Variants in ARB2A observed in about 807,000 individuals in gnomAD.
ARB2A encodes the protein ARB2 cotranscriptional regulator A.
the ARB2A span, among the ~76,000 whole-genome samples, chr5:94,082,002 G>A: frequency 1.3e-5 from 2 of 152,240 alleles, no homozygotes; most frequent in East Asian, 3.9e-4. Flanking sequence ...CCTCTCTCCA[G>A]AGCCAGGCTA....
chr5:93,740,308 T>C, the ARB2A span: 177 of 350,800 alleles, frequency 5.0e-4, no homozygotes, highest in African/African-American at 3.5e-3. Flanking sequence ...GAACAAAATA[T>C]CGAAACCATC....
chr5:93,745,513 C>T, the ARB2A span, among the ~76,000 whole-genome samples: 2 of 152,190 alleles, frequency 1.3e-5, no homozygotes, highest in African/African-American at 4.8e-5. Context: ...CCTTTTATGT[C>T]ATTCTGTTGG....
the ARB2A span, among the ~76,000 whole-genome samples, chr5:93,860,107 A>G: frequency 6.6e-6 from 1 of 152,158 alleles, no homozygotes; most frequent in Non-Finnish European, 1.5e-5. Flanking sequence ...AGCCTGACCA[A>G]GATGGTGAAA....
chr5:93,932,781 TA>T, the ARB2A span, among the ~76,000 whole-genome samples: 7 of 152,348 alleles, frequency 4.6e-5, no homozygotes, highest in African/African-American at 1.7e-4. Flanking sequence ...GCCCTATATG[TA>T]AGCTGAAGAT....
At chr5:93,659,901 C>A in the ARB2A span, among the ~76,000 whole-genome samples, 7 of 152,112 alleles carry the variant, frequency 4.6e-5, no homozygotes, top group Non-Finnish European at 8.8e-5. Flanking sequence ...ACCTGAAGTT[C>A]CACTTTGTCA....
chr5:93,774,443 A>G, the ARB2A span, among the ~76,000 whole-genome samples: 1 of 152,238 alleles, frequency 6.6e-6, no homozygotes, highest in Non-Finnish European at 1.5e-5. Flanking sequence ...ATGCAAAGGA[A>G]AAATTCTTGA....
the ARB2A span, among the ~76,000 whole-genome samples, chr5:93,984,066 ATATTT>A: frequency 2.0e-5 from 3 of 152,184 alleles, no homozygotes; most frequent in African/African-American, 7.2e-5. Context: ...CTATAGAATA[ATATTT>A]TATTAATGCA....
At chr5:93,845,439 G>GA in the ARB2A span, among the ~76,000 whole-genome samples, 2 of 152,188 alleles carry the variant, frequency 1.3e-5, no homozygotes, top group Non-Finnish European at 2.9e-5. Flanking sequence ...GAAGCTTGAA[G>GA]AAAGTAATGG....
the ARB2A span, among the ~76,000 whole-genome samples, chr5:94,042,304 A>G: frequency 6.6e-6 from 1 of 151,736 alleles, no homozygotes; most frequent in African/African-American, 2.4e-5. Context: ...GCTGTTTAAC[A>G]AAAGATCAGC....
the ARB2A span, among the ~76,000 whole-genome samples, chr5:93,709,632 CAAAA>C: frequency 3.8e-4 from 16 of 41,668 alleles, no homozygotes; most frequent in Admixed American, 2.3e-3. Context: ...GACTCTGTCA[CAAAA>C]AAAAAAAAAA....
the ARB2A span, among the ~76,000 whole-genome samples, chr5:94,096,193 G>A: frequency 5.6e-4 from 85 of 152,294 alleles, 1 homozygote; most frequent in Middle Eastern, 0.01. Context: ...CAAATCAAGA[G>A]AGCATCTAAT....
At chr5:94,052,989 A>G in the ARB2A span, 2 of 416,460 alleles carry the variant, frequency 4.8e-6, no homozygotes, top group Non-Finnish European at 8.6e-6. Flanking sequence ...GAATACAGAA[A>G]ACATTCTACT....
chr5:93,752,314 TG>T, the ARB2A span, among the ~76,000 whole-genome samples: 6 of 152,202 alleles, frequency 3.9e-5, no homozygotes, highest in Non-Finnish European at 8.8e-5. Context: ...GCTATTCCTA[TG>T]GGGGCAGTAA....
At chr5:93,785,862 T>G in the ARB2A span, among the ~76,000 whole-genome samples, 11 of 152,330 alleles carry the variant, frequency 7.2e-5, no homozygotes, top group Admixed American at 7.2e-4. Context: ...CATGAATTAT[T>G]AACTAGTATG....
chr5:93,919,299 T>G, the ARB2A span, among the ~76,000 whole-genome samples: 2 of 152,094 alleles, frequency 1.3e-5, no homozygotes, highest in Non-Finnish European at 2.9e-5. Context: ...TCTTTAATAA[T>G]TTGACTTACC....
the ARB2A span, among the ~76,000 whole-genome samples, chr5:94,110,195 C>A: frequency 6.6e-6 from 1 of 152,076 alleles, no homozygotes; most frequent in Non-Finnish European, 1.5e-5. Context: ...TTTCTCTATA[C>A]CTCTTAATCA....
chr5:94,000,833 A>G, the ARB2A span, among the ~76,000 whole-genome samples: 2 of 152,214 alleles, frequency 1.3e-5, no homozygotes, highest in East Asian at 1.9e-4. Context: ...TGCAAAAGGC[A>G]TAAGGTCTGT....
the ARB2A span, among the ~76,000 whole-genome samples, chr5:93,621,654 A>G: frequency 3.3e-5 from 5 of 152,156 alleles, no homozygotes; most frequent in African/African-American, 1.2e-4. Flanking sequence ...TTGCTTCCCA[A>G]GGGGGTGGTG....
the ARB2A span, among the ~76,000 whole-genome samples, chr5:93,817,671 T>C: frequency 6.6e-6 from 1 of 152,156 alleles, no homozygotes; most frequent in Non-Finnish European, 1.5e-5. Context: ...CTTACATTTA[T>C]AGTCTATGGA....
Sources: gnomAD v4.1 joint callset for allele counts (sites outside exome capture counted in the v4.1 genomes callset) on GRCh38, gnomAD v4.1.1 for gene constraint, MANE v1.5 for transcripts, NCBI Gene and HGNC (gene_info 2026-07-23, HGNC 2026-07-21) for gene names.